The following ADH4 variants were observed in gnomAD, a reference collection of about 807,000 sequenced individuals.
The protein encoded by ADH4 is alcohol dehydrogenase 4 (class II), pi polypeptide.
ADH4 carries 31 observed loss-of-function variants against 35.2 expected under a neutral mutation model. That is an observed-to-expected ratio of 0.88 (90% confidence interval 0.66 to 1.19). The LOEUF is 1.19. ADH4 is among the 50% of genes most tolerant of loss of function. The pLI, the probability that ADH4 is intolerant of heterozygous loss-of-function variation, is 0.00. For missense variants in ADH4, 476 were observed against 458.3 expected, an observed-to-expected ratio of 1.04 and a Z score of -0.35; for synonymous variants, 171 against 160.2, an observed-to-expected ratio of 1.07 and a Z score of -0.51.
Position 99,142,726 on chromosome 4 carries a change from C to G in ADH4, c.73G>C (p.Glu25Gln), listed in dbSNP as rs2110506790. The change falls in exon 2 of 9, where the codon GAA (glutamate) becomes CAA (glutamine). Residue 25 changes from glutamate (E) to glutamine (Q), a missense_variant. Coordinates refer to ENST00000265512, the MANE Select transcript of ADH4 (RefSeq NM_000670.5). ...AWEAGKPLCIEEVEVAPPKAH... is the reference protein window; with the variant it reads ...AWEAGKPLCIQEVEVAPPKAH... ...TTGGGGGGAGCTACTTCAACCTCTT[C>G]AATGCAAAGGGGCTTGCCTGCTTCC... 6.2e-7 allele frequency: 1 copy of G among 1,605,560 alleles called. No individual in the cohort carries two copies. Among genetic ancestry groups the G allele is most frequent in the Non-Finnish European group, 8.5e-7 (1 of 1,177,202 alleles).
At chr4:99,131,848 A>G (rs1053038554) in intron 5 of ADH4, 84 bp from the exon 6 acceptor site, 110 of 1,401,798 alleles carry the variant, frequency 7.8e-5, no homozygotes, top group Non-Finnish European at 1.0e-4. Flanking sequence ...AAGTGGGGGC[A>G]TGAACATATG....
At chr4:99,141,739 T>C in intron 2 of ADH4, 57 bp from the exon 3 acceptor site, 1 of 1,539,312 alleles carries the variant, frequency 6.5e-7, no homozygotes, top group South Asian at 1.2e-5. Context: ...TTGGGCTGGA[T>C]GTTACATATA....
Position 99,131,584 on chromosome 4 carries a change from G to T in ADH4, c.763C>A (p.Pro255Thr), listed in dbSNP as rs1729272326. Residue 255 changes from proline to threonine, a missense_variant, in exon 6 of 9, where the codon CCG (proline) becomes ACG (threonine). Coordinates refer to ENST00000265512, the MANE Select transcript of ADH4 (RefSeq NM_000670.5). ...DCLNPRDLHK[P>T]IQEVIIELTK... ...AATTCAATGATAACTTCCTGGATCGGTTTATGTAAGTCTCTAGGATTGAGG... is the reference window on the plus strand; with the variant it reads ...AATTCAATGATAACTTCCTGGATCGTTTTATGTAAGTCTCTAGGATTGAGG... 6.2e-7 allele frequency: 1 copy of T among 1,613,968 alleles called. No homozygotes were observed. The highest frequency in any genetic ancestry group is 8.5e-7 in the Non-Finnish European group (1 of 1,180,002).
chr4:99,137,096 T>C (rs1579401088), intron 4 of ADH4, among the ~76,000 whole-genome samples: 1 of 149,966 alleles, frequency 6.7e-6, no homozygotes. Flanking sequence ...ATTATAGGCA[T>C]GCACCACTAC....
At chr4:99,131,220 A>G (rs1729260186) in intron 6 of ADH4, among the ~76,000 whole-genome samples, 1 of 152,210 alleles carries the variant, frequency 6.6e-6, no homozygotes, top group Non-Finnish European at 1.5e-5. Context: ...AAGGGATCTC[A>G]AAAGAAAAAT....
chr4:99,140,152 A>G (rs148643183), intron 3 of ADH4, among the ~76,000 whole-genome samples: 7 of 152,348 alleles, frequency 4.6e-5, no homozygotes, highest in Admixed American at 1.3e-4. Context: ...ACTTCAGCTA[A>G]CGTTGACATA....
chr4:99,127,495 G>C, intron 6 of ADH4, 151 bp from the exon 7 acceptor site: 1 of 575,568 alleles, frequency 1.7e-6, no homozygotes, highest in Non-Finnish European at 2.9e-6. Context: ...TATCATTGTA[G>C]ATTGAGCCTT....
At chr4:99,143,217 G>A (rs13125262) in intron 1 of ADH4, 5 of 701,866 alleles carry the variant, frequency 7.1e-6, no homozygotes, top group African/African-American at 3.5e-5. Context: ...TCTGCAACTC[G>A]AAGTGTGGTC....
chr4:99,138,973 C>A, intron 4 of ADH4, 88 bp downstream of exon 4: 1 of 929,160 alleles, frequency 1.1e-6, no homozygotes, highest in Non-Finnish European at 1.6e-6. Context: ...AAGGTTTGCA[C>A]CTCTTCAAGG....
At chr4:99,139,580 T>G (rs891306703) in intron 3 of ADH4, among the ~76,000 whole-genome samples, 1 of 152,200 alleles carries the variant, frequency 6.6e-6, no homozygotes, top group Non-Finnish European at 1.5e-5. Context: ...AATTCCACAT[T>G]TTTCCACTTT....
At position 99,124,060 on chromosome 4, in the gene ADH4, G is replaced by C. The variant is rs1258972494; in HGVS notation, c.*382C>G. On this transcript the variant is annotated 3_prime_UTR_variant, in exon 9 of 9. Coordinates refer to ENST00000265512, the MANE Select transcript of ADH4 (RefSeq NM_000670.5). The stretch of plus-strand genomic sequence containing the variant: ...TAGCTCCCAGAAAATTTTCAACATA[G>C]ACAAAAGTGGAGAGAAAAGTATAAT... 5.5e-6 allele frequency: 1 copy of C among 180,236 alleles called. No homozygotes were observed. The highest frequency in any genetic ancestry group is 1.1e-5 in the Non-Finnish European group (1 of 88,206). 11.2% of individuals were successfully genotyped at this position (180,236 alleles called of 1,614,324 possible). A position where few individuals can be genotyped will look rare whatever the true frequency, so the allele number is the denominator to read the frequency against.
intron 8 of ADH4, among the ~76,000 whole-genome samples, chr4:99,124,940 G>T (rs2851247): frequency 2.0e-5 from 3 of 151,852 alleles, no homozygotes; most frequent in Non-Finnish European, 4.4e-5. Context: ...TAAGCCTCAA[G>T]GACAGAGCAG....
At chr4:99,141,728 A>G (rs2110505724) in intron 2 of ADH4, 46 bp from the exon 3 acceptor site, 1 of 1,574,238 alleles carries the variant, frequency 6.4e-7, no homozygotes, top group Non-Finnish European at 8.7e-7. Flanking sequence ...CAACTATATT[A>G]TTGGGCTGGA....
chr4:99,134,044 G>T lies in ADH4; in HGVS notation c.583-2280C>A, dbSNP rs29001189. Among the ~76,000 whole-genome samples the T allele has an allele frequency of 2.3e-3, 353 of 152,286 alleles. 3 individuals carry two copies. Among genetic ancestry groups the T allele is most frequent in the African/African-American group, 8.1e-3 (335 of 41,548 alleles). On this transcript the variant is annotated intron_variant, in intron 5 of 8. Transcript: ENST00000265512. ...GATAAACCTGGAGGACATTATGTCA[G>T]GTGAAATAAGCCAGGCACAGAAAGA...
chr4:99,124,158 T>A lies in ADH4; in HGVS notation c.*284A>T. The A allele has an allele frequency of 3.3e-6, 1 of 299,674 alleles. No individual in the cohort carries two copies. The highest frequency in any genetic ancestry group is 6.0e-6 in the Non-Finnish European group (1 of 167,372). The allele number at this position is 299,674 out of a possible 1,614,324, so 18.6% of individuals were successfully genotyped here. A position where few individuals can be genotyped will look rare whatever the true frequency, so the allele number is the denominator to read the frequency against. On this transcript the variant is annotated 3_prime_UTR_variant, in exon 9 of 9. Transcript: ENST00000265512. ...GGCCAATCTAGTTTTATTTATTATCTCTTCATTCCCCACTTTCAACTTCCC... is the reference window on the plus strand; with the variant it reads ...GGCCAATCTAGTTTTATTTATTATCACTTCATTCCCCACTTTCAACTTCCC...
chr4:99,144,068 G>A, intron 1 of ADH4, 137 bp downstream of exon 1: 2 of 893,922 alleles, frequency 2.2e-6, no homozygotes, highest in Non-Finnish European at 3.5e-6. Flanking sequence ...ATAAATTCCT[G>A]GCATAGGGGT....
rs772181638 is a variant in ADH4, at chr4:99,124,378, G to A, written c.*64C>T. 8 of 1,140,988 alleles carry A rather than the reference G, an allele frequency of 7.0e-6. No individual in the cohort carries two copies. The highest frequency in any genetic ancestry group is 9.0e-6 in the Non-Finnish European group (7 of 776,934). 70.7% of individuals were successfully genotyped at this position (1,140,988 alleles called of 1,614,324 possible). ...GGCTTTCCTTGGTTCATCAAATCAG[G>A]TAATAAATTAACCAGGCAGGTTCAC... On this transcript the variant is annotated 3_prime_UTR_variant, in exon 9 of 9. Coordinates refer to ENST00000265512, the MANE Select transcript of ADH4 (RefSeq NM_000670.5).
chr4:99,134,780 TG>T (rs1729386456), intron 5 of ADH4, among the ~76,000 whole-genome samples: 1 of 151,540 alleles, frequency 6.6e-6, no homozygotes, highest in African/African-American at 2.4e-5. Flanking sequence ...GTAGCATTTT[TG>T]TCTATGTGGC....
intron 1 of ADH4, 73 bp from the exon 2 acceptor site, chr4:99,142,853 A>G: frequency 9.5e-7 from 1 of 1,057,626 alleles, no homozygotes; most frequent in South Asian, 1.7e-5. Context: ...AGGAGAGAGG[A>G]GATCATGAGA....
Sources: gnomAD v4.1 joint callset for allele counts (sites outside exome capture counted in the v4.1 genomes callset) on GRCh38, gnomAD v4.1.1 for gene constraint, MANE v1.5 for transcripts, NCBI Gene and HGNC (gene_info 2026-07-23, HGNC 2026-07-21) for gene names.